KIAA0408: variants seen among roughly 807,000 people sequenced by gnomAD.
KIAA0408 encodes the protein uncharacterized protein KIAA0408.
Under a neutral mutation model 60.9 loss-of-function variants are expected in KIAA0408, and 51 were observed. The observed-to-expected ratio is 0.84, with a 90% CI of 0.67 to 1.06. The LOEUF is 1.06. Among genes scored for constraint, KIAA0408 ranks in the 50% least tolerant of loss-of-function variants. The pLI, the probability that KIAA0408 is intolerant of heterozygous loss-of-function variation, is 0.00. For synonymous variants in KIAA0408, 304 were observed against 282.4 expected, an observed-to-expected ratio of 1.08 and a Z score of -0.77; for missense variants, 787 against 833.9, an observed-to-expected ratio of 0.94 and a Z score of 0.69.
chr6:127,445,355 C>T (rs926220853), intron 5 of KIAA0408, among the ~76,000 whole-genome samples: 22 of 152,102 alleles, frequency 1.4e-4, no homozygotes, highest in African/African-American at 4.8e-4. Flanking sequence ...CCATCTTTAG[C>T]TATAGGACCT....
chr6:127,446,789 A>C lies in KIAA0408; in HGVS notation c.1530T>G (p.Asp510Glu), dbSNP rs748013416. 11 of 1,613,950 alleles carry C rather than the reference A, an allele frequency of 6.8e-6. No individual in the cohort carries two copies. In the South Asian group the frequency reaches 1.2e-4, roughly 18 times the overall value. ...CTGTTGTGGATTTCTTGGTGGGATT[A>C]TCAGGCACATTTTCCATGGGCACAG... Reference protein sequence around the residue: ...HMPVPMENVPDNPTKKSTTGL... With the variant: ...HMPVPMENVPENPTKKSTTGL... The change falls in exon 5 of 6, where the codon GAT becomes GAG. Residue 510 changes from aspartate (D) to glutamate (E), a missense_variant. By Grantham distance (45) the Asp-to-Glu change is conservative (BLOSUM62 2). Around this residue, in one of 3 missense-constraint regions of KIAA0408, gnomAD observed 640 missense variants for 681.3 expected, o/e 0.94. Coordinates refer to ENST00000483725, the MANE Select transcript of KIAA0408 (RefSeq NM_014702.5).
chr6:127,447,162 C>T lies in KIAA0408; in HGVS notation c.1157G>A (p.Ser386Asn), dbSNP rs1188340983. 5 of 1,613,486 alleles carry T rather than the reference C, an allele frequency of 3.1e-6. No individual in the cohort carries two copies. Among genetic ancestry groups the T allele is most frequent in the South Asian group, 2.2e-5 (2 of 90,948 alleles). ...GATCACCATTTCATATTTTGGATTACTGGGGGTAGAGCAGGTTTTCTGAAA... is the reference window on the plus strand; with the variant it reads ...GATCACCATTTCATATTTTGGATTATTGGGGGTAGAGCAGGTTTTCTGAAA... ...SWFQKTCSTP[S>N]NPKYEMVIPD... Residue 386 changes from serine (S) to asparagine (N), a missense_variant, in exon 5 of 6, where the codon AGT (serine) becomes AAT (asparagine). By Grantham distance (46) the Ser-to-Asn change is conservative (BLOSUM62 1). Around this residue, in one of 3 missense-constraint regions of KIAA0408, gnomAD observed 640 missense variants for 681.3 expected, o/e 0.94. Transcript: ENST00000483725.
At position 127,438,477 on chromosome 6, in the gene KIAA0408, A is replaced by G. The variant is rs1261430188; in HGVS notation, c.*5632T>C. On this transcript the variant is annotated 3_prime_UTR_variant, in exon 6 of 6. Coordinates refer to ENST00000483725, the MANE Select transcript of KIAA0408 (RefSeq NM_014702.5). The stretch of plus-strand genomic sequence containing the variant: ...TAAGTAATTGAAAAATAAAGCTTCA[A>G]AAATAAACTGGCAGCAGAGCACAAT... 6.6e-6 allele frequency: 1 copy of G among 152,210 alleles called. No homozygotes were observed. Among genetic ancestry groups the G allele is most frequent in the Non-Finnish European group, 1.5e-5 (1 of 68,034 alleles). 9.4% of individuals were successfully genotyped at this position (152,210 alleles called of 1,614,324 possible).
chr6:127,439,929 GCCATGCAGA>G lies in KIAA0408; in HGVS notation c.*4171_*4179del, dbSNP rs1389814180. 1 of 152,184 alleles carries G rather than the reference GCCATGCAGA, an allele frequency of 6.6e-6. No individual in the cohort carries two copies. The highest frequency in any genetic ancestry group is 1.5e-5 in the Non-Finnish European group (1 of 68,054). 9.4% of individuals were successfully genotyped at this position (152,184 alleles called of 1,614,324 possible). On this transcript the variant is annotated 3_prime_UTR_variant, in exon 6 of 6. Coordinates refer to ENST00000483725, the MANE Select transcript of KIAA0408 (RefSeq NM_014702.5). Reference sequence around the variant, plus strand: ...GGATTCTGTCCCTGCAATCTTGGCAGCCATGCAGACCTCTTTGAATCTCAGGTTTCCCAC... The same window carrying G: ...GGATTCTGTCCCTGCAATCTTGGCAGCCTCTTTGAATCTCAGGTTTCCCAC...
chr6:127,447,583 T>C lies in KIAA0408; in HGVS notation c.736A>G (p.Ser246Gly), dbSNP rs532484110. Residue 246 changes from serine to glycine, a missense_variant, in exon 5 of 6, where the codon AGC becomes GGC. Ser to Gly is a moderately conservative substitution (Grantham distance 56). Transcript: ENST00000483725. ...KNLSCTNVLQ[S>G]NSTKKCGIDT... is the part of the protein sequence containing the mutation. ...ATTCCACATTTTTTCGTAGAATTGC[T>C]CTGGAGCACATTGGTACAGCTCAGA... is the stretch of plus-strand genomic sequence containing the variant. The C allele has an allele frequency of 6.2e-7, 1 of 1,612,562 alleles. No individual in the cohort carries two copies. Among genetic ancestry groups the C allele is most frequent in the African/African-American group, 1.3e-5 (1 of 74,852 alleles).
rs1773144881 is a variant in KIAA0408 at position 127,444,000 on chromosome 6, G to T, written c.*109C>A. 3.3e-6 allele frequency: 3 copies of T among 921,480 alleles called. No individual in the cohort carries two copies. In the Admixed American group the frequency reaches 7.8e-5, roughly 24 times the overall value. The allele number at this position is 921,480 out of a possible 1,614,324, so 57.1% of individuals were successfully genotyped here. On this transcript the variant is annotated 3_prime_UTR_variant, in exon 6 of 6. Transcript: ENST00000483725. ...ACACTGAAGACTGATGGAAAGTTAA[G>T]ATTCAAATTGCTTGTCGGAAGAGAA...
intron 2 of KIAA0408, among the ~76,000 whole-genome samples, chr6:127,451,737 C>A (rs1773305775): frequency 6.6e-6 from 1 of 152,144 alleles, no homozygotes; most frequent in African/African-American, 2.4e-5. Flanking sequence ...CTGTCTTCAG[C>A]TCATCTTTCC....
Position 127,450,238 on chromosome 6 carries a change from A to G in KIAA0408, c.250T>C (p.Tyr84His), listed in dbSNP as rs1490021362. 6.2e-7 allele frequency: 1 copy of G among 1,613,784 alleles called. No homozygotes were observed. Among genetic ancestry groups the G allele is most frequent in the Non-Finnish European group, 8.5e-7 (1 of 1,179,966 alleles). ...PEKVIESSPN[Y>H]PDLGQSEFIR... ...AATTCACTTTGTCCTAAATCGGGGTAATTTGGGGAAGATTCTATCACTTTC... is the reference window on the plus strand; with the variant it reads ...AATTCACTTTGTCCTAAATCGGGGTGATTTGGGGAAGATTCTATCACTTTC... Residue 84 changes from tyrosine (Y) to histidine (H), a missense_variant, in exon 3 of 6, where the codon TAC becomes CAC. Around this residue, in one of 3 missense-constraint regions of KIAA0408, gnomAD observed 640 missense variants for 681.3 expected, o/e 0.94. Transcript: ENST00000483725.
chr6:127,454,681 A>G (rs907500600), intron 1 of KIAA0408, among the ~76,000 whole-genome samples: 2 of 152,128 alleles, frequency 1.3e-5, no homozygotes, highest in Non-Finnish European at 2.9e-5. Flanking sequence ...TATAAAAAAT[A>G]TATTCATTAT....
In KIAA0408 at chr6:127,459,220, A is replaced by G. The variant is rs1449314829; in HGVS notation, c.-166T>C. 6.6e-6 allele frequency: 1 copy of G among 152,242 alleles called. No homozygotes were observed. Among genetic ancestry groups the G allele is most frequent in the African/African-American group, 2.4e-5 (1 of 41,470 alleles). The allele number at this position is 152,242 out of a possible 1,614,324, so 9.4% of individuals were successfully genotyped here. Reference sequence around the variant, plus strand: ...CCTATGGATGCTCGACCACTGGTCAATTAGCAGTGGAAGAAAGTGGATGGC... The same window carrying G: ...CCTATGGATGCTCGACCACTGGTCAGTTAGCAGTGGAAGAAAGTGGATGGC... On this transcript the variant is annotated 5_prime_UTR_variant, in exon 1 of 6. Coordinates refer to ENST00000483725, the MANE Select transcript of KIAA0408 (RefSeq NM_014702.5).
intron 5 of KIAA0408, among the ~76,000 whole-genome samples, chr6:127,444,617 G>A (rs1391685323): frequency 6.6e-6 from 1 of 152,018 alleles, no homozygotes; most frequent in Non-Finnish European, 1.5e-5. Context: ...ATGTTTCTTA[G>A]TGCGCTGTTA....
chr6:127,449,284 A>T (rs1040487937), intron 4 of KIAA0408, among the ~76,000 whole-genome samples: 1 of 152,220 alleles, frequency 6.6e-6, no homozygotes, highest in African/African-American at 2.4e-5. Context: ...GAAAAAGAGT[A>T]AAGTATTACT....
chr6:127,447,617 G>C lies in KIAA0408; in HGVS notation c.702C>G (p.Asn234Lys), dbSNP rs6902288. The C allele has an allele frequency of 8.6e-5, 138 of 1,612,056 alleles. No individual in the cohort carries two copies. Among genetic ancestry groups the C allele is most frequent in the Non-Finnish European group, 1.1e-4 (128 of 1,179,504 alleles). ...CATTGGTACAGCTCAGATTCTTCCT[G>C]TTTTTCTGTTTTTCTTTTTCTAAAC... Reference protein sequence around the residue: ...PISLEKEKQKNRKNLSCTNVL... With the variant: ...PISLEKEKQKKRKNLSCTNVL... Residue 234 changes from asparagine (N) to lysine (K), a missense_variant, in exon 5 of 6, where the codon AAC becomes AAG. By Grantham distance (94) the Asn-to-Lys change is moderately conservative. Transcript: ENST00000483725.
chr6:127,449,851 C>T lies in KIAA0408; in HGVS notation c.549G>A (p.Glu183=). The change falls in exon 4 of 6, where the codon GAG becomes GAA. Residue 183 remains glutamate, a synonymous_variant. Coordinates refer to ENST00000483725, the MANE Select transcript of KIAA0408 (RefSeq NM_014702.5). The part of the protein sequence containing the change: ...KVSEELCSFQ[E]EIRKRSNHRR... ...TATGGTTAGACCGCTTTCGAATTTC[C>T]TCTTGAAAGCTGCATAATTCTTCAC... is the stretch of plus-strand genomic sequence containing the variant. The T allele has an allele frequency of 6.2e-7, 1 of 1,614,018 alleles. No homozygotes were observed. Among genetic ancestry groups the T allele is most frequent in the Non-Finnish European group, 8.5e-7 (1 of 1,179,948 alleles).
rs2114779111 is a variant in KIAA0408, at chr6:127,438,981, C to T, written c.*5128G>A. 1 of 152,272 alleles carries T rather than the reference C, an allele frequency of 6.6e-6. No individual in the cohort carries two copies. The highest frequency in any genetic ancestry group is 1.5e-5 in the Non-Finnish European group (1 of 68,044). The allele number at this position is 152,272 out of a possible 1,614,324, so 9.4% of individuals were successfully genotyped here. A position where few individuals can be genotyped will look rare whatever the true frequency, so the allele number is the denominator to read the frequency against. On this transcript the variant is annotated 3_prime_UTR_variant, in exon 6 of 6. Transcript: ENST00000483725. ...TTTAAGGCCCTTATAAAAGAAGCAT[C>T]ACATAGCATTCAGCTGCTTCTTGCT...
chr6:127,456,299 T>C (rs1005383760), intron 1 of KIAA0408, among the ~76,000 whole-genome samples: 1 of 152,194 alleles, frequency 6.6e-6, no homozygotes, highest in African/African-American at 2.4e-5. Context: ...CACCATAAAG[T>C]CTTTTCTACA....
intron 5 of KIAA0408, among the ~76,000 whole-genome samples, chr6:127,445,215 C>T (rs983681780): frequency 5.9e-5 from 9 of 152,150 alleles, no homozygotes; most frequent in African/African-American, 2.2e-4. Context: ...ACAAAAACTG[C>T]TCCTGAGGAT....
chr6:127,446,976 G>A lies in KIAA0408; in HGVS notation c.1343C>T (p.Thr448Ile), dbSNP rs767837088. ...ACAATTTCTATCTGTTCTAAATACA[G>A]TTCTGTTAAATTCATCAGTCTTTGC... ...LAAKTDEFNR[T>I]VFRTDRNCQA... Residue 448 changes from threonine to isoleucine, a missense_variant, in exon 5 of 6, where the codon ACT becomes ATT. Thr to Ile is a moderately conservative substitution (Grantham distance 89, BLOSUM62 -1). Around this residue, in one of 3 missense-constraint regions of KIAA0408, gnomAD observed 640 missense variants for 681.3 expected, o/e 0.94. Coordinates refer to ENST00000483725, the MANE Select transcript of KIAA0408 (RefSeq NM_014702.5). The A allele has an allele frequency of 1.9e-6, 3 of 1,613,948 alleles. 1 individual carries two copies. In the South Asian group the frequency reaches 3.3e-5, roughly 18 times the overall value.
rs2114798383 is a variant in KIAA0408, at chr6:127,450,331, A to G, written c.157T>C (p.Trp53Arg). ...CTTTCATTGATATTGATTTTCCTCC[A>G]AAGCTTTACTTCCCGGCAAAGCTGT... ...IEELCREVKL[W>R]RKININESAK... Residue 53 changes from tryptophan to arginine, a missense_variant, in exon 3 of 6, where the codon TGG becomes CGG. Coordinates refer to ENST00000483725, the MANE Select transcript of KIAA0408 (RefSeq NM_014702.5). 1 of 1,600,132 alleles carries G rather than the reference A, an allele frequency of 6.2e-7. No individual in the cohort carries two copies. The highest frequency in any genetic ancestry group is 2.2e-5 in the East Asian group (1 of 44,768).
Sources: gnomAD v4.1 joint callset for allele counts (sites outside exome capture counted in the v4.1 genomes callset) on GRCh38, gnomAD v4.1.1 for gene constraint, gnomAD v4.1.1 regional missense constraint, MANE v1.5 for transcripts, NCBI Gene and HGNC (gene_info 2026-07-23, HGNC 2026-07-21) for gene names.